Variants in UMAD1 observed in about 807,000 individuals in gnomAD.
UMAD1 encodes the protein UBAP1-MVB12-associated (UMA) domain containing 1.
Under a neutral mutation model 6.1 loss-of-function variants are expected in UMAD1, and 8 were observed. The observed-to-expected ratio is 1.30, with a 90% CI of 0.76 to 2.35. The LOEUF is 2.35. Ranked by LOEUF, UMAD1 falls within the 30% of genes most tolerant of loss-of-function variation. The pLI, the probability that UMAD1 is intolerant of heterozygous loss-of-function variation, is 0.00. For missense variants in UMAD1, 130 were observed against 78.4 expected, an observed-to-expected ratio of 1.66 and a Z score of -2.49; for synonymous variants, 56 against 31.4, an observed-to-expected ratio of 1.78 and a Z score of -2.61.
intron 3 of UMAD1, among the ~76,000 whole-genome samples, chr7:7,803,350 C>T (rs1583836819): frequency 6.6e-6 from 1 of 152,170 alleles, no homozygotes; most frequent in South Asian, 2.1e-4. Flanking sequence ...TGGCACATGC[C>T]TGTAGTCCCA....
chr7:7,750,537 C>A (rs17137233), intron 2 of UMAD1, among the ~76,000 whole-genome samples: 24,735 of 152,030 alleles, frequency 0.16, 2,215 homozygotes, highest in Non-Finnish European at 0.19. Flanking sequence ...TAATGACGGC[C>A]CATTTTATAT....
chr7:7,809,442 T>C (rs1407628242), intron 3 of UMAD1, among the ~76,000 whole-genome samples: 1 of 152,016 alleles, frequency 6.6e-6, no homozygotes, highest in Non-Finnish European at 1.5e-5. Context: ...AATAATTGCA[T>C]GTATTTATGG....
intron 2 of UMAD1, among the ~76,000 whole-genome samples, chr7:7,688,544 C>T (rs1374040196): frequency 1.3e-5 from 2 of 152,144 alleles, no homozygotes; most frequent in Non-Finnish European, 2.9e-5. Context: ...GTGTCGTGTT[C>T]AGTGTCAAGA....
At chr7:7,831,287 T>C (rs1783462034) in intron 3 of UMAD1, among the ~76,000 whole-genome samples, 1 of 152,238 alleles carries the variant, frequency 6.6e-6, no homozygotes, top group African/African-American at 2.4e-5. Flanking sequence ...TTACAGAAAT[T>C]TATTCTTGTT....
chr7:7,695,822 A>C (rs138904716), intron 2 of UMAD1, among the ~76,000 whole-genome samples: 1 of 152,298 alleles, frequency 6.6e-6, no homozygotes, highest in African/African-American at 2.4e-5. Context: ...TTCTGTGGTC[A>C]TAAATGCTGA....
At chr7:7,737,278 GA>G (rs1486313621) in intron 2 of UMAD1, among the ~76,000 whole-genome samples, 2 of 152,198 alleles carry the variant, frequency 1.3e-5, no homozygotes, top group African/African-American at 4.8e-5. Context: ...TCTCAGCCGT[GA>G]AACAAGGATG....
chr7:7,794,911 G>A (rs6970720), intron 2 of UMAD1, among the ~76,000 whole-genome samples: 1,917 of 152,178 alleles, frequency 0.013, 53 homozygotes, highest in African/African-American at 0.044. Context: ...ACCTGAAGGC[G>A]TCATCTACTT....
chr7:7,696,556 A>G (rs1780323261), intron 2 of UMAD1, among the ~76,000 whole-genome samples: 2 of 152,266 alleles, frequency 1.3e-5, no homozygotes, highest in Middle Eastern at 3.4e-3. Flanking sequence ...AGGGAAGTGT[A>G]TTTCTCCCCA....
At chr7:7,648,067 A>T (rs564011741) in intron 1 of UMAD1, among the ~76,000 whole-genome samples, 402 of 152,326 alleles carry the variant, frequency 2.6e-3, no homozygotes, top group Non-Finnish European at 4.3e-3. Flanking sequence ...TTTGTAGCTT[A>T]GCTGACAGCT....
rs187672304 is a variant in UMAD1, at chr7:7,776,101, A to T, written c.83-25569A>T. ...TAAAAAATCATAGAACTGCACACTG[A>T]AAAGGGTGAGTTTTATAGTATGTAA... is the stretch of plus-strand genomic sequence containing the variant. On this transcript the variant is annotated intron_variant, in intron 2 of 3. Transcript: ENST00000682710. 6.6e-5 allele frequency among the ~76,000 whole-genome samples: 10 copies of T among 152,332 alleles called. No homozygotes were observed. In the East Asian group the frequency reaches 1.9e-3, roughly 29 times the overall value.
At chr7:7,831,641 C>G (rs1035105518) in intron 3 of UMAD1, among the ~76,000 whole-genome samples, 3 of 152,120 alleles carry the variant, frequency 2.0e-5, no homozygotes, top group Non-Finnish European at 4.4e-5. Context: ...GAACTGGGAG[C>G]CCTGATTCCC....
At position 7,879,145 on chromosome 7, in the gene UMAD1, C is replaced by A. The variant is rs1023556116; in HGVS notation, c.*1607C>A. The A allele has an allele frequency of 2.0e-5, 3 of 152,054 alleles. No individual in the cohort carries two copies. The highest frequency in any genetic ancestry group is 4.4e-5 in the Non-Finnish European group (3 of 67,984). 9.4% of individuals were successfully genotyped at this position (152,054 alleles called of 1,614,324 possible). On this transcript the variant is annotated 3_prime_UTR_variant, in exon 4 of 4. Transcript: ENST00000682710. ...TGTTATAAATGTTCATAAGTACCTT[C>A]ATGTGTCTATAAAAAATGTTATATT...
intron 2 of UMAD1, among the ~76,000 whole-genome samples, chr7:7,744,593 G>GTTTTTTTTTT (rs377391555): frequency 3.7e-5 from 5 of 135,872 alleles, no homozygotes; most frequent in Non-Finnish European, 6.3e-5. Flanking sequence ...AATTGTTACT[G>GTTTTTTTTTT]TTTTTTTTTT....
At chr7:7,832,754 A>G (rs1301227545) in intron 3 of UMAD1, among the ~76,000 whole-genome samples, 1 of 152,204 alleles carries the variant, frequency 6.6e-6, no homozygotes, top group Non-Finnish European at 1.5e-5. Context: ...GGATTTTAGA[A>G]CAAACTGTTG....
intron 3 of UMAD1, among the ~76,000 whole-genome samples, chr7:7,813,381 T>A (rs577835699): frequency 4.1e-4 from 62 of 152,202 alleles, no homozygotes; most frequent in Middle Eastern, 3.4e-3. Context: ...ATTTTTGTAT[T>A]TTTTAGTAGA....
intron 3 of UMAD1, among the ~76,000 whole-genome samples, chr7:7,808,151 T>TA (rs1782955098): frequency 6.6e-6 from 1 of 152,012 alleles, no homozygotes; most frequent in South Asian, 2.1e-4. Context: ...AGGGAAGAGT[T>TA]ACAATTCAAC....
At chr7:7,784,437 G>A (rs559857131) in intron 2 of UMAD1, among the ~76,000 whole-genome samples, 3 of 149,936 alleles carry the variant, frequency 2.0e-5, no homozygotes, top group South Asian at 2.1e-4. Flanking sequence ...CCGGGTTCAC[G>A]CCCTTCTCCT....
chr7:7,794,690 C>G (rs1454341782), intron 2 of UMAD1, among the ~76,000 whole-genome samples: 1 of 152,170 alleles, frequency 6.6e-6, no homozygotes, highest in Admixed American at 6.5e-5. Flanking sequence ...ATAGCAGACC[C>G]TGAAGGAAAT....
At chr7:7,752,157 A>G (rs1049672935) in intron 2 of UMAD1, among the ~76,000 whole-genome samples, 1 of 152,238 alleles carries the variant, frequency 6.6e-6, no homozygotes, top group African/African-American at 2.4e-5. Flanking sequence ...ACAAAGATGA[A>G]TGATGAAATA....
Sources: allele counts gnomAD v4.1 joint callset (sites outside exome capture counted in the v4.1 genomes callset), GRCh38; gene constraint gnomAD v4.1.1; transcripts MANE v1.5; gene names NCBI Gene and HGNC (gene_info 2026-07-23, HGNC 2026-07-21).